Variants in CCDC25 observed in about 807,000 individuals in gnomAD.
The protein encoded by CCDC25 is coiled-coil domain containing 25.
Under a neutral mutation model 35.3 loss-of-function variants are expected in CCDC25, and 16 were observed. The observed-to-expected ratio is 0.45, with a 90% confidence interval of 0.31 to 0.69. The LOEUF (loss-of-function observed/expected upper bound fraction) is 0.69, where lower values mean the gene tolerates loss of function less well. CCDC25 is among the 30% of genes least tolerant of loss of function. The pLI is 0.06. For synonymous variants in CCDC25, 79 were observed against 80.3 expected (o/e 0.98, Z 0.09); for missense variants, 179 against 250.7 (o/e 0.71, Z 1.93).
Position 27,737,884 on chromosome 8 carries a change from T to TCACACACACACACACACACA in CCDC25, c.598-1659_598-1640dup. The stretch of plus-strand genomic sequence containing the variant: ...AACTGTGGTGTGTGTATACACACAC[T>TCACACACACACACACACACA]CACACACACACACACACACACACAC... On this transcript the variant is annotated intron_variant, in intron 8 of 8. Coordinates refer to ENST00000356537, the MANE Select transcript of CCDC25 (RefSeq NM_018246.3). The surrounding 1 kb of genome is among the most constrained non-coding windows in gnomAD (Gnocchi z 4.6). Among the ~76,000 whole-genome samples the TCACACACACACACACACACA allele has an allele frequency of 6.7e-6, 1 of 148,562 alleles. No homozygotes were observed. The highest frequency in any genetic ancestry group is 2.5e-5 in the African/African-American group (1 of 40,310).
intron 3 of CCDC25, among the ~76,000 whole-genome samples, chr8:27,759,151 A>G (rs1804123337): frequency 6.6e-6 from 1 of 152,202 alleles, no homozygotes; most frequent in South Asian, 2.1e-4. Context: ...CTGAATGCAG[A>G]GACCAGAAGC....
At chr8:27,768,529 C>T (rs1298294269) in intron 1 of CCDC25, among the ~76,000 whole-genome samples, 1 of 141,726 alleles carries the variant, frequency 7.1e-6, no homozygotes, top group Admixed American at 7.5e-5. Context: ...CATGCCACTG[C>T]ACTCCAGCCT....
At position 27,735,100 on chromosome 8, in the gene CCDC25, A is replaced by C. The variant is rs1028246730; in HGVS notation, c.*1116T>G. On this transcript the variant is annotated 3_prime_UTR_variant, in exon 9 of 9. Coordinates refer to ENST00000356537, the MANE Select transcript of CCDC25 (RefSeq NM_018246.3). ...TTATTATAACTTTTAAAATTGCGGAACATCAGACTGAATATCATCAGACAC... is the reference window on the plus strand; with the variant it reads ...TTATTATAACTTTTAAAATTGCGGACCATCAGACTGAATATCATCAGACAC... The C allele has an allele frequency of 2.0e-5, 3 of 152,636 alleles. No homozygotes were observed. The highest frequency in any genetic ancestry group is 7.2e-5 in the African/African-American group (3 of 41,454). The allele number at this position is 152,636 out of a possible 1,614,324, so 9.5% of individuals were successfully genotyped here. A position where few individuals can be genotyped will look rare whatever the true frequency, so the allele number is the denominator to read the frequency against.
At chr8:27,747,519 A>G (rs1803646160) in intron 7 of CCDC25, among the ~76,000 whole-genome samples, 1 of 152,266 alleles carries the variant, frequency 6.6e-6, no homozygotes, top group Non-Finnish European at 1.5e-5. Flanking sequence ...ATGGCAATAG[A>G]AAACTAACAT....
intron 2 of CCDC25, 38 bp downstream of exon 2, chr8:27,765,166 G>C: frequency 6.7e-7 from 1 of 1,486,306 alleles, no homozygotes; most frequent in Non-Finnish European, 9.1e-7. Flanking sequence ...ACACTTACCT[G>C]CTGAAAATTT....
intron 7 of CCDC25, among the ~76,000 whole-genome samples, chr8:27,741,125 T>C (rs1396412344): frequency 6.6e-6 from 1 of 152,212 alleles, no homozygotes; most frequent in South Asian, 2.1e-4. Flanking sequence ...CTGGATGTGG[T>C]GCCCAATTAT....
chr8:27,740,623 G>T, intron 7 of CCDC25, 106 bp from the exon 8 acceptor site: 2 of 854,468 alleles, frequency 2.3e-6, no homozygotes. Context: ...GGCTTTAGAA[G>T]AAACACAAGA....
At chr8:27,772,375 G>A in intron 1 of CCDC25, 138 bp downstream of exon 1, 1 of 787,562 alleles carries the variant, frequency 1.3e-6, no homozygotes, top group Middle Eastern at 2.6e-4. Flanking sequence ...ATGTGCTGGG[G>A]GACCGAGAGG....
At chr8:27,771,828 C>G (rs1804629301) in intron 1 of CCDC25, 1 of 152,168 alleles carries the variant, frequency 6.6e-6, no homozygotes, top group Admixed American at 6.6e-5. Context: ...AGGGAATTAG[C>G]TGGGGGTTGA....
In CCDC25 at chr8:27,748,496, T is replaced by C. The variant is rs1803682669; in HGVS notation, c.347A>G (p.Asp116Gly). ...VGQIGFHRQK[D>G]VKIVTVEKKV... ...CCTTCAGTGGCACAAAACACTTACA[T>C]CCTTCTGCCTGTGAAAGCCTATCTG... Residue 116 changes from aspartate (D) to glycine (G), a missense_variant and splice_region_variant, in exon 6 of 9, where the codon GAT becomes GGT. Physicochemically the swap from Asp to Gly is moderately conservative, Grantham distance 94 (BLOSUM62 -1). Transcript: ENST00000356537. 1 of 1,610,454 alleles carries C rather than the reference T, an allele frequency of 6.2e-7. No individual in the cohort carries two copies. The highest frequency in any genetic ancestry group is 8.5e-7 in the Non-Finnish European group (1 of 1,178,248).
intron 3 of CCDC25, 56 bp from the exon 4 acceptor site, chr8:27,756,826 G>A (rs1375899702): frequency 8.4e-7 from 1 of 1,188,892 alleles, no homozygotes; most frequent in Admixed American, 1.7e-5. Flanking sequence ...ATCTCCTCAG[G>A]CCACATGCCA....
At position 27,772,546 on chromosome 8, in the gene CCDC25, C is replaced by G; in HGVS notation, c.-6G>C. 1.3e-6 allele frequency: 2 copies of G among 1,549,408 alleles called. No individual in the cohort carries two copies. Among genetic ancestry groups the G allele is most frequent in the Non-Finnish European group, 1.7e-6 (2 of 1,146,574 alleles). ...CTGGTGAAGTAGAACACCATGATCC[C>G]GGGAGCGGTGCGGTGACTCCACCGC... On this transcript the variant is annotated 5_prime_UTR_variant, in exon 1 of 9. Transcript: ENST00000356537.
chr8:27,754,371 G>A (rs921447552), intron 4 of CCDC25: 1 of 152,126 alleles, frequency 6.6e-6, no homozygotes, highest in Non-Finnish European at 1.5e-5. Context: ...ATCAACCAGG[G>A]GATGTCAAGA....
In CCDC25 at chr8:27,769,907, C is replaced by T. The variant is rs191465457; in HGVS notation, c.28+2606G>A. Among the ~76,000 whole-genome samples, 112 of 152,260 alleles carry T rather than the reference C, an allele frequency of 7.4e-4. 1 individual carries two copies. In the East Asian group the frequency reaches 0.018, roughly 24 times the overall value. On this transcript the variant is annotated intron_variant, in intron 1 of 8. Transcript: ENST00000356537. ...CTTTAATCCTAGCACTTTGGAAGGC[C>T]GAGGCGGGTGGATCACTTGAGGTAA... is the stretch of plus-strand genomic sequence containing the variant.
chr8:27,737,229 T>C lies in CCDC25; in HGVS notation c.598-984A>G, dbSNP rs898651619. Among the ~76,000 whole-genome samples the C allele has an allele frequency of 6.6e-6, 1 of 152,180 alleles. No individual in the cohort carries two copies. Among genetic ancestry groups the C allele is most frequent in the African/African-American group, 2.4e-5 (1 of 41,430 alleles). On this transcript the variant is annotated intron_variant, in intron 8 of 8. Transcript: ENST00000356537. The surrounding 1 kb of genome is among the most constrained non-coding windows in gnomAD (Gnocchi z 4.6). ...GATAATTGTACAAAGAACAGACTAA[T>C]GATTGTGTTATATCCAGGCGCAAAG... is the stretch of plus-strand genomic sequence containing the variant.
At chr8:27,755,205 G>C (rs1216441759) in intron 4 of CCDC25, among the ~76,000 whole-genome samples, 1 of 152,178 alleles carries the variant, frequency 6.6e-6, no homozygotes, top group Non-Finnish European at 1.5e-5. Flanking sequence ...CTAGAGCTGG[G>C]ACAGGGAAAA....
chr8:27,750,763 C>T (rs1397745536), intron 5 of CCDC25, among the ~76,000 whole-genome samples: 1 of 152,194 alleles, frequency 6.6e-6, no homozygotes, highest in Non-Finnish European at 1.5e-5. Flanking sequence ...TGGAAAGATT[C>T]ACTGGGTGAA....
chr8:27,771,689 G>A (rs1368613721), intron 1 of CCDC25, among the ~76,000 whole-genome samples: 1 of 152,176 alleles, frequency 6.6e-6, no homozygotes, highest in African/African-American at 2.4e-5. Context: ...AATACCACGT[G>A]ATAAGTGCAA....
At chr8:27,753,931 G>A (rs1803905054) in intron 4 of CCDC25, among the ~76,000 whole-genome samples, 1 of 152,106 alleles carries the variant, frequency 6.6e-6, no homozygotes, top group Admixed American at 6.5e-5. Context: ...TAATGAAGTA[G>A]CATCTTATAT....
Sources: gnomAD v4.1 joint callset for allele counts (sites outside exome capture counted in the v4.1 genomes callset) on GRCh38, gnomAD v4.1.1 for gene constraint, Gnocchi (gnomAD v3.1) non-coding constraint, MANE v1.5 for transcripts, NCBI Gene and HGNC (gene_info 2026-07-23, HGNC 2026-07-21) for gene names.